The following EIF3B variants were observed in gnomAD, a reference collection of about 807,000 sequenced individuals.
EIF3B encodes the protein eukaryotic translation initiation factor 3 subunit 9.
Under a neutral mutation model 104.6 loss-of-function variants are expected in EIF3B, and 10 were observed. The ratio of observed to expected loss-of-function variants is 0.10; its 90% CI spans 0.06 to 0.16. EIF3B has a LOEUF of 0.16. EIF3B is among the 10% of genes least tolerant of loss of function. The probability of loss-of-function intolerance (pLI) is 1.00; values close to 1 mark genes in which losing one functional copy is unlikely to be tolerated. For synonymous variants in EIF3B, 542 were observed against 417.2 expected (o/e 1.30, Z -3.65); for missense variants, 1,014 against 1,087.9 (o/e 0.93, Z 0.96).
Position 2,369,478 on chromosome 7 carries a change from T to C in EIF3B, c.1410T>C (p.Phe470=), listed in dbSNP as rs1488820162. ...TTATTTTCCTGTTCTGCAGAGACTT[T>C]TCTTGGTCTCCTGGTGGTAACATAA... The part of the protein sequence containing the change: ...KSLKISGIKD[F]SWSPGGNIIA... The change falls in exon 10 of 19, where the codon TTT becomes TTC. Residue 470 remains phenylalanine (F), a synonymous_variant. Transcript: ENST00000360876. 6.2e-7 allele frequency: 1 copy of C among 1,614,242 alleles called. No homozygotes were observed. Among genetic ancestry groups the C allele is most frequent in the African/African-American group, 1.3e-5 (1 of 75,076 alleles).
chr7:2,375,981 G>GGCACATGGC (rs1275955033), intron 14 of EIF3B: 1 of 164,156 alleles, frequency 6.1e-6, no homozygotes, highest in African/African-American at 2.4e-5. Flanking sequence ...CATTGATGGA[G>GGCACATGGC]GCACTGATAC....
chr7:2,354,640 T>C (rs188294512), upstream of EIF3B, among the ~76,000 whole-genome samples: 1 of 152,178 alleles, frequency 6.6e-6, no homozygotes, highest in East Asian at 1.9e-4. Context: ...CTCCCATGAG[T>C]TTACTGATGC....
rs1780212119 is a variant in EIF3B, at chr7:2,369,639, A to G, written c.1571A>G (p.Asp524Gly). 3 of 1,614,132 alleles carry G rather than the reference A, an allele frequency of 1.9e-6. No homozygotes were observed. Among genetic ancestry groups the G allele is most frequent in the Non-Finnish European group, 1.7e-6 (2 of 1,180,018 alleles). Residue 524 changes from aspartate (D) to glycine (G), a missense_variant, in exon 10 of 19, where the codon GAC becomes GGC. Physicochemically the swap from Asp to Gly is moderately conservative, Grantham distance 94 (BLOSUM62 -1). Around this residue, in one of 4 missense-constraint regions of EIF3B, gnomAD observed 59 missense variants for 118.8 expected, o/e 0.50. Coordinates refer to ENST00000360876, the MANE Select transcript of EIF3B (RefSeq NM_001037283.2). ...AAGCTCCATTGGCAGAAGAACGGAG[A>G]CTACTTGTGTGTGAAAGTAGATAGG... The part of the protein sequence containing the change: ...DCKLHWQKNG[D>G]YLCVKVDRTP...
intron 1 of EIF3B, among the ~76,000 whole-genome samples, chr7:2,360,374 T>C (rs1779663535): frequency 6.6e-6 from 1 of 152,248 alleles, no homozygotes; most frequent in African/African-American, 2.4e-5. Flanking sequence ...CTGGAAGATC[T>C]AATAGTGGAT....
At chr7:2,359,999 C>T (rs1026867967) in intron 1 of EIF3B, among the ~76,000 whole-genome samples, 17 of 152,216 alleles carry the variant, frequency 1.1e-4, no homozygotes, top group African/African-American at 3.9e-4. Flanking sequence ...AACGAAGGTG[C>T]GTGGTGGTGG....
intron 6 of EIF3B, 64 bp downstream of exon 6, chr7:2,364,593 G>A (rs1779904448): frequency 2.1e-6 from 3 of 1,438,324 alleles, no homozygotes; most frequent in African/African-American, 1.4e-5. Context: ...TTCTACAGGT[G>A]ATCTTTCATT....
At chr7:2,356,396 A>G (rs1379477076) in intron 1 of EIF3B, among the ~76,000 whole-genome samples, 3 of 151,948 alleles carry the variant, frequency 2.0e-5, no homozygotes, top group African/African-American at 7.2e-5. Context: ...GTGGATCACG[A>G]GGTCACCATC....
intron 15 of EIF3B, 55 bp downstream of exon 15, chr7:2,377,130 A>G: frequency 6.5e-7 from 1 of 1,545,590 alleles, no homozygotes. Context: ...TGTGGCGTTG[A>G]AAAGGTGTCA....
In EIF3B at chr7:2,366,343, T is replaced by G. The variant is rs771120755; in HGVS notation, c.1184T>G (p.Met395Arg). Residue 395 changes from methionine (M) to arginine (R), a missense_variant, in exon 7 of 19, where the codon ATG (methionine) becomes AGG (arginine). This residue lies in a region of EIF3B where 201 missense variants were observed against 240.7 expected (regional missense o/e 0.83). Coordinates refer to ENST00000360876, the MANE Select transcript of EIF3B (RefSeq NM_001037283.2). ...TACCTGGTGACCTTTAGCCCCCTGATGGACACGCAGGATGACCCTCAGGCC... is the reference window on the plus strand; with the variant it reads ...TACCTGGTGACCTTTAGCCCCCTGAGGGACACGCAGGATGACCCTCAGGCC... Reference protein sequence around the residue: ...ERYLVTFSPLMDTQDDPQAII... With the variant: ...ERYLVTFSPLRDTQDDPQAII... 6.2e-7 allele frequency: 1 copy of G among 1,612,472 alleles called. No individual in the cohort carries two copies.
At chr7:2,367,077 G>T in intron 9 of EIF3B, 32 bp downstream of exon 9, 1 of 1,518,968 alleles carries the variant, frequency 6.6e-7, no homozygotes, top group South Asian at 1.2e-5. Flanking sequence ...GTGTCTTAGT[G>T]TGTTCAGGCT....
chr7:2,356,707 C>G (rs948977731), intron 1 of EIF3B, among the ~76,000 whole-genome samples: 1 of 151,600 alleles, frequency 6.6e-6, no homozygotes, highest in Admixed American at 6.6e-5. Flanking sequence ...GGCTGAGGCA[C>G]GAGAATCACT....
intron 1 of EIF3B, among the ~76,000 whole-genome samples, chr7:2,357,662 G>A (rs925920617): frequency 2.0e-5 from 3 of 152,150 alleles, no homozygotes; most frequent in Non-Finnish European, 1.5e-5. Context: ...GCTATTTAGT[G>A]TTGAGAATTG....
intron 9 of EIF3B, among the ~76,000 whole-genome samples, chr7:2,368,600 G>C (rs1780156713): frequency 6.6e-6 from 1 of 152,184 alleles, no homozygotes; most frequent in Non-Finnish European, 1.5e-5. Context: ...CCTTGAGTCG[G>C]CTTCCTTCCA....
At chr7:2,376,744 C>G in intron 14 of EIF3B, 1 of 623,310 alleles carries the variant, frequency 1.6e-6, no homozygotes. Context: ...GCTCCAGCTG[C>G]TCCGTGCCCC....
intron 16 of EIF3B, 54 bp from the exon 17 acceptor site, chr7:2,379,080 G>A (rs190466268): frequency 3.4e-5 from 52 of 1,527,950 alleles, no homozygotes; most frequent in South Asian, 1.0e-4. Flanking sequence ...GGCTCTTCGC[G>A]ATGGGGAGGC....
chr7:2,370,924 G>T (rs148838349), intron 10 of EIF3B, among the ~76,000 whole-genome samples: 1 of 152,128 alleles, frequency 6.6e-6, no homozygotes, highest in African/African-American at 2.4e-5. Flanking sequence ...TTAGCCAGGC[G>T]TGGTGGCGGG....
chr7:2,371,439 G>C (rs944608134), intron 10 of EIF3B, among the ~76,000 whole-genome samples: 1 of 152,244 alleles, frequency 6.6e-6, no homozygotes, highest in Non-Finnish European at 1.5e-5. Context: ...CCATTGGTGT[G>C]CCTTTAGGGC....
At chr7:2,366,053 C>T (rs1295279862) in intron 6 of EIF3B, among the ~76,000 whole-genome samples, 1 of 152,202 alleles carries the variant, frequency 6.6e-6, no homozygotes. Flanking sequence ...GCGCCACCCT[C>T]TGGATCACTT....
At position 2,355,298 on chromosome 7, in the gene EIF3B, A is replaced by G; in HGVS notation, c.377A>G (p.Glu126Gly). ...RSDSRAQAVS[E>G]DAGGNEGRAA... ...GACAGCCGGGCCCAGGCGGTGTCCG[A>G]GGACGCGGGAGGAAACGAGGGCAGA... is the stretch of plus-strand genomic sequence containing the variant. The change falls in exon 1 of 19, where the codon GAG becomes GGG. Residue 126 changes from glutamate (E) to glycine (G), a missense_variant. By Grantham distance (98) the Glu-to-Gly change is moderately conservative (BLOSUM62 -2). Coordinates refer to ENST00000360876, the MANE Select transcript of EIF3B (RefSeq NM_001037283.2). 4 of 1,538,686 alleles carry G rather than the reference A, an allele frequency of 2.6e-6. No homozygotes were observed. Among genetic ancestry groups the G allele is most frequent in the Non-Finnish European group, 2.6e-6 (3 of 1,149,718 alleles).
Sources: allele counts gnomAD v4.1 joint callset (sites outside exome capture counted in the v4.1 genomes callset), GRCh38; gene constraint gnomAD v4.1.1; regional missense constraint gnomAD v4.1.1; transcripts MANE v1.5; gene names NCBI Gene and HGNC (gene_info 2026-07-23, HGNC 2026-07-21).